Variants in FNBP1 observed in about 807,000 individuals in gnomAD.
The protein encoded by FNBP1 is formin binding protein 1, also known as formin-binding protein 1.
In FNBP1, 26 loss-of-function variants were observed where a neutral mutation model predicts 90.6. The observed-to-expected ratio is 0.29, with a 90% CI of 0.21 to 0.40. FNBP1 has a LOEUF of 0.40. Among genes scored for constraint, FNBP1 ranks in the 10% least tolerant of loss-of-function variants. The probability of loss-of-function intolerance (pLI) is 1.00; values close to 1 mark genes in which losing one functional copy is unlikely to be tolerated. For synonymous variants in FNBP1, 260 were observed against 265.2 expected, an observed-to-expected ratio of 0.98 and a Z score of 0.19; for missense variants, 635 against 768.0, an observed-to-expected ratio of 0.83 and a Z score of 2.05.
rs367812297 is a variant in FNBP1, at chr9:130,041,405, A to G, written c.24+1547T>C. ...ATCCACCTGTCTGAACAAGTGAAAA[A>G]AAAATTGTGCCACAATTTCTACTGT... On this transcript the variant is annotated intron_variant, in intron 1 of 16. Transcript: ENST00000446176. The surrounding 1 kb of genome is among the most constrained non-coding windows in gnomAD (Gnocchi z 4.3). Among the ~76,000 whole-genome samples the G allele has an allele frequency of 2.8e-4, 43 of 152,282 alleles. No individual in the cohort carries two copies. In the East Asian group the frequency reaches 5.8e-3, roughly 20 times the overall value.
intron 1 of FNBP1, among the ~76,000 whole-genome samples, chr9:129,996,464 TCTAG>T (rs1249692007): frequency 1.3e-5 from 2 of 152,140 alleles, no homozygotes; most frequent in African/African-American, 4.8e-5. Flanking sequence ...AAATGAGGGT[TCTAG>T]CCCCAGCAAA....
chr9:129,923,752 C>T, intron 10 of FNBP1, 92 bp downstream of exon 10: 2 of 1,315,740 alleles, frequency 1.5e-6, no homozygotes, highest in South Asian at 1.7e-5. Flanking sequence ...TGGGAAAACA[C>T]AATGGATTCA....
intron 16 of FNBP1, among the ~76,000 whole-genome samples, chr9:129,892,509 G>A (rs1213986341): frequency 6.6e-6 from 1 of 152,082 alleles, no homozygotes; most frequent in African/African-American, 2.4e-5. Context: ...ATGGGTTGAA[G>A]GAGGGCAGTG....
intron 6 of FNBP1, among the ~76,000 whole-genome samples, chr9:129,954,310 A>G (rs1452167007): frequency 2.0e-5 from 3 of 152,160 alleles, no homozygotes; most frequent in African/African-American, 7.2e-5. Context: ...ATCATAAAAC[A>G]TTTAAGGGAT....
chr9:129,890,454 C>T lies in FNBP1; in HGVS notation c.*85G>A, dbSNP rs1435858979. The stretch of plus-strand genomic sequence containing the variant: ...GGGCTGCGGAGGGGTGGGCTGTCCA[C>T]AGGGCAGGGCGCTGGAGGCCTGTGG... On this transcript the variant is annotated 3_prime_UTR_variant, in exon 17 of 17. Transcript: ENST00000446176. This position sits in a 1 kb window ranked among gnomAD's most constrained non-coding sequence, Gnocchi z 5.8. 1.7e-6 allele frequency: 2 copies of T among 1,161,960 alleles called. No individual in the cohort carries two copies. The highest frequency in any genetic ancestry group is 2.5e-6 in the Non-Finnish European group (2 of 791,676). The allele number at this position is 1,161,960 out of a possible 1,614,324, so 72.0% of individuals were successfully genotyped here.
Position 130,042,896 on chromosome 9 carries a change from G to T in FNBP1, c.24+56C>A, listed in dbSNP as rs973772840. 4.7e-5 allele frequency: 55 copies of T among 1,168,086 alleles called. 1 individual carries two copies. Among genetic ancestry groups the T allele is most frequent in the Non-Finnish European group, 5.5e-5 (51 of 930,670 alleles). The allele number at this position is 1,168,086 out of a possible 1,614,324, so 72.4% of individuals were successfully genotyped here. ...GCGGCCCGCGCCCCCTCCCCAGGCCGCGGGGAAACGCAGCGCGCGCCCCGC... is the reference window on the plus strand; with the variant it reads ...GCGGCCCGCGCCCCCTCCCCAGGCCTCGGGGAAACGCAGCGCGCGCCCCGC... On this transcript the variant is annotated intron_variant, in intron 1 of 16. Coordinates refer to ENST00000446176, the MANE Select transcript of FNBP1 (RefSeq NM_015033.3). This position sits in a 1 kb window ranked among gnomAD's most constrained non-coding sequence, Gnocchi z 5.5.
At chr9:129,984,139 C>T (rs544297769) in intron 2 of FNBP1, among the ~76,000 whole-genome samples, 1 of 152,024 alleles carries the variant, frequency 6.6e-6, no homozygotes, top group South Asian at 2.1e-4. Context: ...TTTTTTCACT[C>T]TTATTTTTTT....
At chr9:130,002,518 C>T (rs983189862) in intron 1 of FNBP1, among the ~76,000 whole-genome samples, 3 of 152,164 alleles carry the variant, frequency 2.0e-5, no homozygotes, top group African/African-American at 7.2e-5. Context: ...CACCTCCCCC[C>T]TCTCTATTGT....
At chr9:129,907,614 T>A in intron 12 of FNBP1, among the ~76,000 whole-genome samples, 1 of 81,094 alleles carries the variant, frequency 1.2e-5, no homozygotes, top group Non-Finnish European at 2.8e-5. Context: ...TGTGTGTGTG[T>A]GTGTGTGTGT....
chr9:130,023,131 A>G (rs675278), intron 1 of FNBP1, among the ~76,000 whole-genome samples: 121,336 of 151,798 alleles, frequency 0.8, 49,115 homozygotes, highest in Non-Finnish European at 0.86. Context: ...GGAGGGGGGA[A>G]TTTACTCATA....
chr9:129,904,835 A>T (rs1006850623), intron 12 of FNBP1, among the ~76,000 whole-genome samples: 8 of 152,136 alleles, frequency 5.3e-5, no homozygotes, highest in Non-Finnish European at 7.3e-5. Context: ...CTCAAGTTAC[A>T]TTGTTAACTT....
chr9:129,912,728 T>C lies in FNBP1; in HGVS notation c.1185+3238A>G, dbSNP rs1365553937. Among the ~76,000 whole-genome samples, 6 of 148,096 alleles carry C rather than the reference T, an allele frequency of 4.1e-5. No homozygotes were observed. In the East Asian group the frequency reaches 1.2e-3, roughly 30 times the overall value. ...AAAAAAAGTCACAAAATCTGGCAAG[T>C]GGTCAACATTCACCTCGTTAATATG... On this transcript the variant is annotated intron_variant, in intron 11 of 16. Coordinates refer to ENST00000446176, the MANE Select transcript of FNBP1 (RefSeq NM_015033.3).
chr9:129,892,416 C>CACACACACACAA (rs386416323), intron 16 of FNBP1, among the ~76,000 whole-genome samples: 8 of 134,636 alleles, frequency 5.9e-5, no homozygotes, highest in African/African-American at 1.9e-4. Flanking sequence ...CACACACACA[C>CACACACACACAA]AAAAAGGTTG....
chr9:130,053,826 C>G, the FNBP1 span: 1 of 1,079,382 alleles, frequency 9.3e-7, no homozygotes, highest in Admixed American at 2.3e-5. Flanking sequence ...ACCACAGGGT[C>G]AGCGGAGCTA....
intron 11 of FNBP1, among the ~76,000 whole-genome samples, chr9:129,915,183 C>T (rs4836677): frequency 0.81 from 123,053 of 151,762 alleles, 50,103 homozygotes; most frequent in East Asian, 0.88. Context: ...GTCTTCCATT[C>T]CCACAGGTGG....
At chr9:129,907,759 C>T (rs772521102) in intron 12 of FNBP1, among the ~76,000 whole-genome samples, 26 of 152,080 alleles carry the variant, frequency 1.7e-4, no homozygotes, top group Non-Finnish European at 2.8e-4. Flanking sequence ...GACAGAGTCT[C>T]GCTCCATCAC....
chr9:129,905,068 T>G (rs1023884162), intron 12 of FNBP1, among the ~76,000 whole-genome samples: 2 of 151,902 alleles, frequency 1.3e-5, no homozygotes, highest in African/African-American at 4.8e-5. Context: ...TCCACCCTTA[T>G]GATGTCCTTT....
intron 16 of FNBP1, among the ~76,000 whole-genome samples, chr9:129,892,073 C>T (rs542433175): frequency 1.0e-3 from 157 of 152,192 alleles, no homozygotes; most frequent in Middle Eastern, 0.01. Context: ...GCTCCCCATG[C>T]GAGAGGCTTC....
chr9:130,018,117 T>A (rs530442484), intron 1 of FNBP1, among the ~76,000 whole-genome samples: 1 of 151,740 alleles, frequency 6.6e-6, no homozygotes, highest in South Asian at 2.1e-4. Context: ...AGTTTCACTG[T>A]GTTAGCCAGG....
Sources: allele counts gnomAD v4.1 joint callset (sites outside exome capture counted in the v4.1 genomes callset), GRCh38; gene constraint gnomAD v4.1.1; non-coding constraint Gnocchi (gnomAD v3.1); transcripts MANE v1.5; gene names NCBI Gene and HGNC (gene_info 2026-07-23, HGNC 2026-07-21).